The following ARHGAP15 variants were observed in gnomAD, a reference collection of about 807,000 sequenced individuals.
The protein encoded by ARHGAP15 is Rho GTPase activating protein 15.
In ARHGAP15, 51 loss-of-function variants were observed where a neutral mutation model predicts 63.7. The observed-to-expected ratio is 0.80, with a 90% CI of 0.64 to 1.01. The LOEUF is 1.01. Ranked by LOEUF, ARHGAP15 falls within the 50% of genes least tolerant of loss-of-function variation. ARHGAP15 has a pLI of 0.00. For missense variants in ARHGAP15, 560 were observed against 564.6 expected (o/e 0.99, Z 0.08); for synonymous variants, 191 against 193.8 (o/e 0.99, Z 0.12).
chr2:143,232,222 T>C (rs1462884061), intron 5 of ARHGAP15, among the ~76,000 whole-genome samples: 1 of 152,124 alleles, frequency 6.6e-6, no homozygotes, highest in East Asian at 1.9e-4. Flanking sequence ...CCACCTACTA[T>C]CATCAGCATT....
chr2:143,546,930 A>C (rs908398185), intron 10 of ARHGAP15, among the ~76,000 whole-genome samples: 3 of 152,134 alleles, frequency 2.0e-5, no homozygotes, highest in Non-Finnish European at 2.9e-5. Context: ...TTTTTAAAAA[A>C]AAGAAGATGT....
At chr2:143,342,102 C>T (rs1440519508) in intron 6 of ARHGAP15, among the ~76,000 whole-genome samples, 1 of 152,048 alleles carries the variant, frequency 6.6e-6, no homozygotes, top group Admixed American at 6.6e-5. Flanking sequence ...TTATTGTGAG[C>T]TAAATGTCTA....
intron 9 of ARHGAP15, among the ~76,000 whole-genome samples, chr2:143,505,492 C>G (rs1308758985): frequency 6.6e-6 from 1 of 152,182 alleles, no homozygotes; most frequent in Non-Finnish European, 1.5e-5. Flanking sequence ...TGACTGGAAG[C>G]CCAAAGGAGA....
intron 9 of ARHGAP15, among the ~76,000 whole-genome samples, chr2:143,508,887 A>G (rs1404607568): frequency 6.6e-6 from 1 of 152,184 alleles, no homozygotes; most frequent in Non-Finnish European, 1.5e-5. Context: ...AGGGTACTTC[A>G]CAGAAGTACT....
At chr2:143,622,867 G>A (rs1000022012) in intron 11 of ARHGAP15, among the ~76,000 whole-genome samples, 3 of 150,042 alleles carry the variant, frequency 2.0e-5, no homozygotes, top group Non-Finnish European at 4.4e-5. Context: ...TAGCAAAACA[G>A]CCCATGCAGA....
chr2:143,465,181 C>T (rs1410327412), intron 8 of ARHGAP15, among the ~76,000 whole-genome samples: 4 of 152,078 alleles, frequency 2.6e-5, no homozygotes, highest in African/African-American at 4.8e-5. Flanking sequence ...TTTTAAAATA[C>T]ACTTTAATGA....
At chr2:143,593,044 C>G (rs534410896) in intron 11 of ARHGAP15, among the ~76,000 whole-genome samples, 1 of 152,234 alleles carries the variant, frequency 6.6e-6, no homozygotes, top group Non-Finnish European at 1.5e-5. Context: ...TGTGGGAAAG[C>G]GTATCAAACA....
rs1025470009 is a variant in ARHGAP15 at position 143,519,201 on chromosome 2, G to A, written c.827-65G>A. The A allele has an allele frequency of 3.0e-5, 38 of 1,254,262 alleles. 1 individual carries two copies. The highest frequency in any genetic ancestry group is 2.5e-4 in the African/African-American group (17 of 66,910). The allele number at this position is 1,254,262 out of a possible 1,614,324, so 77.7% of individuals were successfully genotyped here. A position where few individuals can be genotyped will look rare whatever the true frequency, so the allele number is the denominator to read the frequency against. ...TTCAGCATGCAATGGATATGGAAAC[G>A]GAATCAAATTAAAGAACAACGCAAG... is the stretch of plus-strand genomic sequence containing the variant. On this transcript the variant is annotated intron_variant, in intron 9 of 13. Coordinates refer to ENST00000295095, the MANE Select transcript of ARHGAP15 (RefSeq NM_018460.4).
intron 8 of ARHGAP15, among the ~76,000 whole-genome samples, chr2:143,470,981 G>C (rs147413185): frequency 7.2e-6 from 1 of 138,446 alleles, no homozygotes; most frequent in Non-Finnish European, 1.6e-5. Flanking sequence ...ACATACACAC[G>C]TGTATCATAT....
At chr2:143,572,969 TAAAA>T (rs1013372333) in intron 11 of ARHGAP15, among the ~76,000 whole-genome samples, 1 of 152,064 alleles carries the variant, frequency 6.6e-6, no homozygotes, top group East Asian at 1.9e-4. Flanking sequence ...ATTCATAAAT[TAAAA>T]AAATACCTCT....
At chr2:143,189,958 G>A (rs17811194) in intron 2 of ARHGAP15, among the ~76,000 whole-genome samples, 19,298 of 151,562 alleles carry the variant, frequency 0.13, 1,354 homozygotes, top group Middle Eastern at 0.24. Context: ...GTTTTTGTTC[G>A]CTTGTTTCCA....
At chr2:143,559,535 G>A (rs1215351729) in intron 11 of ARHGAP15, among the ~76,000 whole-genome samples, 1 of 152,182 alleles carries the variant, frequency 6.6e-6, no homozygotes, top group Non-Finnish European at 1.5e-5. Context: ...TTGTGTTATG[G>A]AGTTTTCTGA....
chr2:143,519,387 G>A (rs747431713), intron 10 of ARHGAP15, 23 bp downstream of exon 10: 53 of 1,582,384 alleles, frequency 3.3e-5, no homozygotes, highest in Non-Finnish European at 4.2e-5. Flanking sequence ...ATGTGCAGCA[G>A]TTCCCCCCAT....
chr2:143,199,903 G>A (rs1692041898), intron 2 of ARHGAP15, among the ~76,000 whole-genome samples: 1 of 152,104 alleles, frequency 6.6e-6, no homozygotes, highest in Non-Finnish European at 1.5e-5. Flanking sequence ...TTTTACGGGA[G>A]GGGTGGGGAG....
At chr2:143,506,105 C>G (rs1258530961) in intron 9 of ARHGAP15, among the ~76,000 whole-genome samples, 1 of 152,114 alleles carries the variant, frequency 6.6e-6, no homozygotes, top group Non-Finnish European at 1.5e-5. Flanking sequence ...GTCGTACCAC[C>G]TGGGATTCTA....
At chr2:143,731,962 A>G (rs1178124028) in intron 13 of ARHGAP15, among the ~76,000 whole-genome samples, 1 of 152,180 alleles carries the variant, frequency 6.6e-6, no homozygotes. Context: ...TTAAAATGCA[A>G]GTATGTCTGA....
At chr2:143,130,818 G>A (rs2104975109) in intron 1 of ARHGAP15, among the ~76,000 whole-genome samples, 1 of 152,196 alleles carries the variant, frequency 6.6e-6, no homozygotes, top group East Asian at 1.9e-4. Flanking sequence ...TCAATTTGTT[G>A]CATTTCCTCA....
intron 13 of ARHGAP15, among the ~76,000 whole-genome samples, chr2:143,755,804 A>G (rs780100134): frequency 2.6e-5 from 4 of 152,074 alleles, no homozygotes; most frequent in Non-Finnish European, 5.9e-5. Context: ...AACCCTGTCT[A>G]AAAATACAAA....
At chr2:143,309,318 T>G (rs1441914586) in intron 6 of ARHGAP15, among the ~76,000 whole-genome samples, 1 of 152,114 alleles carries the variant, frequency 6.6e-6, no homozygotes, top group Non-Finnish European at 1.5e-5. Flanking sequence ...AGCTGTTGGC[T>G]CTGCTGAGAG....
Sources: allele counts gnomAD v4.1 joint callset (sites outside exome capture counted in the v4.1 genomes callset), GRCh38; gene constraint gnomAD v4.1.1; transcripts MANE v1.5; gene names NCBI Gene and HGNC (gene_info 2026-07-23, HGNC 2026-07-21).